HERC2: variants seen among roughly 807,000 people sequenced by gnomAD.
The protein encoded by HERC2 is HECT and RLD domain containing E3 ubiquitin protein ligase 2, also known as E3 ubiquitin-protein ligase HERC2.
HERC2 carries 102 observed loss-of-function variants against 537.7 expected under a neutral mutation model. The observed-to-expected ratio is 0.19, with a 90% CI of 0.16 to 0.22. HERC2 has a LOEUF of 0.22. Ranked by LOEUF, HERC2 falls within the 10% of genes least tolerant of loss-of-function variation. The pLI, the probability that HERC2 is intolerant of heterozygous loss-of-function variation, is 1.00. For synonymous variants in HERC2, 2,224 were observed against 2,466.2 expected, an observed-to-expected ratio of 0.90 and a Z score of 2.91; for missense variants, 4,236 against 6,198.2, an observed-to-expected ratio of 0.68 and a Z score of 10.63.
At chr15:28,318,280 G>A (rs1196051418) in intron 2 of HERC2, among the ~76,000 whole-genome samples, 3 of 152,002 alleles carry the variant, frequency 2.0e-5, no homozygotes, top group East Asian at 1.9e-4. Flanking sequence ...TACTCTTTAC[G>A]AGAGCAGTGA....
chr15:28,202,043 A>C, intron 47 of HERC2, 70 bp downstream of exon 47: 1 of 1,048,918 alleles, frequency 9.5e-7, no homozygotes, highest in Non-Finnish European at 1.4e-6. Flanking sequence ...GAGAAAGCCA[A>C]GGTGTAAGAC....
intron 57 of HERC2, among the ~76,000 whole-genome samples, chr15:28,181,570 A>T (rs1474803409): frequency 1.3e-5 from 2 of 152,256 alleles, no homozygotes; most frequent in African/African-American, 4.8e-5. Context: ...GAATACTAAC[A>T]GGAAGCATAA....
chr15:28,164,484 G>C (rs1213092420), intron 68 of HERC2, among the ~76,000 whole-genome samples: 1 of 152,158 alleles, frequency 6.6e-6, no homozygotes, highest in Non-Finnish European at 1.5e-5. Flanking sequence ...AAAGCATTCA[G>C]TGAAACATAT....
At chr15:28,181,659 CTAAG>C (rs1895831361) in intron 57 of HERC2, among the ~76,000 whole-genome samples, 1 of 152,198 alleles carries the variant, frequency 6.6e-6, no homozygotes, top group Non-Finnish European at 1.5e-5. Context: ...CCAGGAGACA[CTAAG>C]TAATACAAGG....
chr15:28,220,638 G>A lies in HERC2; in HGVS notation c.5659C>T (p.Pro1887Ser). Reference protein sequence around the residue: ...VDWKWGDQDGPPPGLGRVIGE... With the variant: ...VDWKWGDQDGSPPGLGRVIGE... ...ATCACGCGGCCTAGGCCTGGAGGAG[G>A]CCCATCCTGAGAAAGCCAAAGTAGA... is the stretch of plus-strand genomic sequence containing the variant. Residue 1887 changes from proline (P) to serine (S), a missense_variant, in exon 37 of 93, where the codon CCT (proline) becomes TCT (serine). By Grantham distance (74) the Pro-to-Ser change is moderately conservative. Coordinates refer to ENST00000261609, the MANE Select transcript of HERC2 (RefSeq NM_004667.6). The A allele has an allele frequency of 5.0e-6, 8 of 1,603,838 alleles. No homozygotes were observed. Among genetic ancestry groups the A allele is most frequent in the South Asian group, 1.1e-5 (1 of 90,992 alleles).
intron 23 of HERC2, among the ~76,000 whole-genome samples, chr15:28,240,240 A>C (rs533417482): frequency 3.5e-4 from 53 of 152,290 alleles, no homozygotes; most frequent in South Asian, 6.2e-4. Context: ...AACACGGTGA[A>C]ACCCCATCTC....
At chr15:28,292,292 GTA>G (rs1405474415) in intron 4 of HERC2, among the ~76,000 whole-genome samples, 1 of 147,656 alleles carries the variant, frequency 6.8e-6, no homozygotes, top group Non-Finnish European at 1.5e-5. Context: ...TCCAGTGAAT[GTA>G]TACAAATGGT....
At position 28,260,167 on chromosome 15, in the gene HERC2, G is replaced by A. The variant is rs192955826; in HGVS notation, c.2316+610C>T. Among the ~76,000 whole-genome samples, 9 of 149,446 alleles carry A rather than the reference G, an allele frequency of 6.0e-5. No individual in the cohort carries two copies. In the East Asian group the frequency reaches 9.8e-4, roughly 16 times the overall value. ...CCAGCCTGGGCAACATAGTGAAACC[G>A]TATCTCCAAAAAAGAAAAAAAAAAA... is the stretch of plus-strand genomic sequence containing the variant. On this transcript the variant is annotated intron_variant, in intron 16 of 92. Coordinates refer to ENST00000261609, the MANE Select transcript of HERC2 (RefSeq NM_004667.6).
intron 3 of HERC2, among the ~76,000 whole-genome samples, chr15:28,293,635 T>C (rs1269480690): frequency 6.6e-6 from 1 of 152,218 alleles, no homozygotes; most frequent in East Asian, 1.9e-4. Context: ...TTCACACCAA[T>C]TGCTTTTATC....
At chr15:28,210,134 T>G (rs1899005299) in intron 44 of HERC2, among the ~76,000 whole-genome samples, 1 of 151,186 alleles carries the variant, frequency 6.6e-6, no homozygotes, top group East Asian at 1.9e-4. Flanking sequence ...ACTATTTTTT[T>G]TTATTTATTT....
intron 52 of HERC2, among the ~76,000 whole-genome samples, chr15:28,194,387 G>A (rs932389574): frequency 4.7e-5 from 7 of 149,314 alleles, no homozygotes; most frequent in African/African-American, 1.2e-4. Flanking sequence ...TGGCTAACAC[G>A]GTGAAACCCC....
chr15:28,232,703 T>G (rs1902008326), intron 30 of HERC2, among the ~76,000 whole-genome samples: 1 of 152,226 alleles, frequency 6.6e-6, no homozygotes, highest in African/African-American at 2.4e-5. Flanking sequence ...CACAGCTACT[T>G]CCAGGAAAAT....
Position 28,142,321 on chromosome 15 carries a change from A to G in HERC2, c.11617T>C (p.Trp3873Arg). The change falls in exon 76 of 93, where the codon TGG (tryptophan) becomes CGG (arginine). Residue 3873 changes from tryptophan to arginine, a missense_variant. Trp to Arg is a moderately radical substitution (Grantham distance 101, BLOSUM62 -3). Transcript: ENST00000261609. ...GAGGCCATGCAGTACCTCCGGAACC[A>G]GGCCCACTTGTGCGTCTCGGCACAG... ...PCCAETHKWA[W>R]FRRYCMASRV... 1 of 1,614,248 alleles carries G rather than the reference A, an allele frequency of 6.2e-7. No individual in the cohort carries two copies. The highest frequency in any genetic ancestry group is 8.5e-7 in the Non-Finnish European group (1 of 1,180,036).
intron 83 of HERC2, among the ~76,000 whole-genome samples, chr15:28,129,346 C>T (rs1005556797): frequency 2.0e-5 from 3 of 152,218 alleles, no homozygotes; most frequent in Non-Finnish European, 2.9e-5. Context: ...TTAACTGCCC[C>T]GGCACTGAGC....
intron 4 of HERC2, among the ~76,000 whole-genome samples, chr15:28,289,817 G>GCAGTGAGAGGACGACACACCT (rs1339807449): frequency 1.3e-5 from 2 of 152,210 alleles, no homozygotes; most frequent in Non-Finnish European, 2.9e-5. Flanking sequence ...TGCTCCTTGT[G>GCAGTGAGAGGACGACACACCT]CAGTGAGAGG....
At chr15:28,270,965 C>G in intron 9 of HERC2, 97 bp from the exon 10 acceptor site, 2 of 960,496 alleles carry the variant, frequency 2.1e-6, no homozygotes, top group Non-Finnish European at 3.2e-6. Context: ...GGTATTGACT[C>G]ATTTGACCCA....
At chr15:28,196,786 T>C (rs928897670) in intron 50 of HERC2, among the ~76,000 whole-genome samples, 2 of 152,222 alleles carry the variant, frequency 1.3e-5, no homozygotes, top group African/African-American at 4.8e-5. Flanking sequence ...CATGAATAAT[T>C]TTGGCCTGAG....
At chr15:28,301,354 G>A (rs2595840) in intron 2 of HERC2, among the ~76,000 whole-genome samples, 3 of 151,852 alleles carry the variant, frequency 2.0e-5, no homozygotes, top group South Asian at 2.1e-4. Context: ...GGCCAAGGTT[G>A]CAGTGGGCCA....
intron 55 of HERC2, among the ~76,000 whole-genome samples, chr15:28,188,916 C>T (rs917824588): frequency 1.2e-4 from 18 of 151,956 alleles, no homozygotes; most frequent in African/African-American, 2.9e-4. Context: ...GACAAAACCC[C>T]GTCTCTATTA....
Sources: allele counts gnomAD v4.1 joint callset (sites outside exome capture counted in the v4.1 genomes callset), GRCh38; gene constraint gnomAD v4.1.1; transcripts MANE v1.5; gene names NCBI Gene and HGNC (gene_info 2026-07-23, HGNC 2026-07-21).